Variants in ZNF385B observed in about 807,000 individuals in gnomAD.
ZNF385B encodes the protein zinc finger protein 385B, also known as zinc finger protein 533.
A neutral mutation model predicts 39.2 loss-of-function variants in ZNF385B; 23 were observed. The ratio of observed to expected loss-of-function variants is 0.59; its 90% CI spans 0.42 to 0.83. ZNF385B has a LOEUF of 0.83. ZNF385B is among the 40% of genes least tolerant of loss of function. The pLI is 0.00. For missense variants in ZNF385B, 552 were observed against 598.9 expected, an observed-to-expected ratio of 0.92 and a Z score of 0.82; for synonymous variants, 205 against 222.6, an observed-to-expected ratio of 0.92 and a Z score of 0.70.
At chr2:179,850,196 T>C (rs112237534) in intron 1 of ZNF385B, among the ~76,000 whole-genome samples, 70 of 152,318 alleles carry the variant, frequency 4.6e-4, no homozygotes, top group African/African-American at 1.6e-3. Flanking sequence ...TCACTTCCTT[T>C]CTTTTTACAT....
chr2:179,705,065 A>AT (rs150026547), intron 3 of ZNF385B, among the ~76,000 whole-genome samples: 1,640 of 150,942 alleles, frequency 0.011, 31 homozygotes, highest in African/African-American at 0.036. Flanking sequence ...TCATAAATCT[A>AT]TTTTTTTTTG....
At chr2:179,512,064 T>C (rs7597936) in intron 5 of ZNF385B, among the ~76,000 whole-genome samples, 122,269 of 152,016 alleles carry the variant, frequency 0.8, 49,748 homozygotes, top group East Asian at 0.92. Flanking sequence ...ATGTATCTCA[T>C]GCTTAATTAC....
At chr2:179,474,037 G>A (rs1362218761) in intron 6 of ZNF385B, among the ~76,000 whole-genome samples, 1 of 152,030 alleles carries the variant, frequency 6.6e-6, no homozygotes, top group African/African-American at 2.4e-5. Context: ...TGGATGTAAA[G>A]TAGGTAAATG....
chr2:179,550,488 A>C (rs1030029309), intron 3 of ZNF385B, among the ~76,000 whole-genome samples: 3 of 149,702 alleles, frequency 2.0e-5, no homozygotes, highest in African/African-American at 7.5e-5. Context: ...AGCTGCCACT[A>C]CTCATTAGCA....
intron 6 of ZNF385B, among the ~76,000 whole-genome samples, chr2:179,456,556 A>G (rs2050728844): frequency 6.6e-6 from 1 of 152,230 alleles, no homozygotes; most frequent in Non-Finnish European, 1.5e-5. Flanking sequence ...ATGTTAAAAC[A>G]TTGTACACTA....
At chr2:179,699,815 TG>T (rs1329054757) in intron 3 of ZNF385B, among the ~76,000 whole-genome samples, 2 of 152,304 alleles carry the variant, frequency 1.3e-5, no homozygotes, top group South Asian at 2.1e-4. Context: ...ATACCAGAAA[TG>T]GTGTATGAAC....
chr2:179,717,749 C>T (rs1459771683), intron 3 of ZNF385B, among the ~76,000 whole-genome samples: 1 of 152,110 alleles, frequency 6.6e-6, no homozygotes, highest in Non-Finnish European at 1.5e-5. Context: ...CAAACAAAAA[C>T]CTTCTCATGA....
chr2:179,658,228 A>T (rs1694021998), intron 3 of ZNF385B, among the ~76,000 whole-genome samples: 1 of 152,228 alleles, frequency 6.6e-6, no homozygotes, highest in South Asian at 2.1e-4. Context: ...AACACTTCAC[A>T]CAAGCGTAGG....
intron 6 of ZNF385B, among the ~76,000 whole-genome samples, chr2:179,469,646 A>G (rs1318448793): frequency 6.6e-6 from 1 of 152,158 alleles, no homozygotes; most frequent in Non-Finnish European, 1.5e-5. Flanking sequence ...TAGAGGTCCA[A>G]TTTAGGAGAG....
chr2:179,735,186 A>G (rs1247029834), intron 3 of ZNF385B, among the ~76,000 whole-genome samples: 2 of 151,768 alleles, frequency 1.3e-5, no homozygotes, highest in African/African-American at 2.4e-5. Context: ...AATTTACAAG[A>G]AAAAAACAAA....
Position 179,841,174 on chromosome 2 carries a change from T to C in ZNF385B, c.-155+19927A>G, listed in dbSNP as rs1174597551. 2.6e-5 allele frequency among the ~76,000 whole-genome samples: 4 copies of C among 152,232 alleles called. No individual in the cohort carries two copies. In the South Asian group the frequency reaches 8.3e-4, roughly 32 times the overall value. On this transcript the variant is annotated intron_variant, in intron 1 of 9. Coordinates refer to ENST00000410066, the MANE Select transcript of ZNF385B (RefSeq NM_152520.6). The stretch of plus-strand genomic sequence containing the variant: ...AAAAAGGTAATCAATTCTTACAGTT[T>C]GGATTTCAAAAGTTAAGGGAACAAT...
chr2:179,741,358 T>C (rs1157721469), intron 3 of ZNF385B, among the ~76,000 whole-genome samples: 1 of 152,112 alleles, frequency 6.6e-6, no homozygotes, highest in African/African-American at 2.4e-5. Context: ...GTTTTGACTG[T>C]TAAGGATATT....
chr2:179,777,481 G>A (rs1317214903), intron 1 of ZNF385B, among the ~76,000 whole-genome samples: 2 of 152,002 alleles, frequency 1.3e-5, no homozygotes, highest in Non-Finnish European at 2.9e-5. Flanking sequence ...TACATACTTT[G>A]AAATACACAT....
At chr2:179,719,557 G>A (rs984595341) in intron 3 of ZNF385B, among the ~76,000 whole-genome samples, 3 of 152,140 alleles carry the variant, frequency 2.0e-5, no homozygotes, top group Non-Finnish European at 2.9e-5. Context: ...GCAAATATAC[G>A]GGCTGCATTG....
intron 3 of ZNF385B, among the ~76,000 whole-genome samples, chr2:179,634,619 T>C (rs1313236379): frequency 6.6e-6 from 1 of 152,180 alleles, no homozygotes; most frequent in African/African-American, 2.4e-5. Context: ...TGTAAATTAG[T>C]TCAACCATTG....
At chr2:179,533,887 G>A (rs533713571) in intron 4 of ZNF385B, among the ~76,000 whole-genome samples, 83 of 152,170 alleles carry the variant, frequency 5.5e-4, no homozygotes, top group Non-Finnish European at 8.1e-4. Flanking sequence ...TGTATCATAG[G>A]GACACAGCTC....
At chr2:179,815,595 T>A (rs1460554093) in intron 1 of ZNF385B, among the ~76,000 whole-genome samples, 1 of 152,238 alleles carries the variant, frequency 6.6e-6, no homozygotes, top group Non-Finnish European at 1.5e-5. Flanking sequence ...ACAATTCTTT[T>A]AACATGTCTA....
At chr2:179,749,874 C>A (rs1404497938) in intron 3 of ZNF385B, among the ~76,000 whole-genome samples, 1 of 152,104 alleles carries the variant, frequency 6.6e-6, no homozygotes, top group African/African-American at 2.4e-5. Flanking sequence ...CAACTCTTAT[C>A]TTTTAATACA....
chr2:179,472,073 G>T (rs952650075), intron 6 of ZNF385B, among the ~76,000 whole-genome samples: 8 of 152,014 alleles, frequency 5.3e-5, no homozygotes, highest in Non-Finnish European at 8.8e-5. Flanking sequence ...TATAGAATCC[G>T]GGAAGAGGAA....
Sources: allele counts gnomAD v4.1 joint callset (sites outside exome capture counted in the v4.1 genomes callset), GRCh38; gene constraint gnomAD v4.1.1; transcripts MANE v1.5; gene names NCBI Gene and HGNC (gene_info 2026-07-23, HGNC 2026-07-21).